Variants in ARPC4 observed in about 807,000 individuals in gnomAD.
ARPC4 encodes the protein actin-related protein 2/3 complex subunit 4.
In ARPC4, 3 loss-of-function variants were observed where a neutral mutation model predicts 22.8. That is an observed-to-expected ratio of 0.13 (90% confidence interval 0.06 to 0.34). The LOEUF (loss-of-function observed/expected upper bound fraction) is 0.34. ARPC4 is among the 10% of genes least tolerant of loss of function. The pLI, the probability that ARPC4 is intolerant of heterozygous loss-of-function variation, is 1.00. For missense variants in ARPC4, 98 were observed against 211.0 expected, an observed-to-expected ratio of 0.46 and a Z score of 3.32; for synonymous variants, 80 against 72.5, an observed-to-expected ratio of 1.10 and a Z score of -0.52.
intron 1 of ARPC4, among the ~76,000 whole-genome samples, chr3:9,793,882 C>G (rs1328090113): frequency 6.6e-6 from 1 of 152,178 alleles, no homozygotes; most frequent in Non-Finnish European, 1.5e-5. Context: ...TAACTTTCTT[C>G]ATTCTGATGA....
rs756844406 is a variant in ARPC4 at position 9,793,085 on chromosome 3, T to C, written c.-37T>C. The C allele has an allele frequency of 7.8e-6, 12 of 1,545,896 alleles. No homozygotes were observed. Among genetic ancestry groups the C allele is most frequent in the South Asian group, 1.2e-5 (1 of 83,864 alleles). Reference sequence around the variant, plus strand: ...GGCAGGCATCGCGGGGCTGGCCACTTCCGTACTTCCGCTTTCCGGCCCAGC... The same window carrying C: ...GGCAGGCATCGCGGGGCTGGCCACTCCCGTACTTCCGCTTTCCGGCCCAGC... On this transcript the variant is annotated 5_prime_UTR_variant, in exon 1 of 6. Coordinates refer to ENST00000397261, the MANE Select transcript of ARPC4 (RefSeq NM_005718.5).
At chr3:9,805,060 C>T (rs1363592492) in intron 5 of ARPC4, among the ~76,000 whole-genome samples, 1 of 152,226 alleles carries the variant, frequency 6.6e-6, no homozygotes, top group Admixed American at 6.5e-5. Context: ...ACATAGTAAG[C>T]TTTCCGTGTA....
chr3:9,794,066 T>G (rs2078822431), intron 1 of ARPC4, among the ~76,000 whole-genome samples: 1 of 152,196 alleles, frequency 6.6e-6, no homozygotes, highest in African/African-American at 2.4e-5. Flanking sequence ...AATCTGTATT[T>G]TTTTTTTCTA....
rs761362767 is a variant in ARPC4 at position 9,797,644 on chromosome 3, T to C, written c.4-15T>C. On this transcript the variant is annotated splice_polypyrimidine_tract_variant and intron_variant, in intron 1 of 5. Transcript: ENST00000397261. ...AGATTTTGATCTTCCCTTTCCTCTG[T>C]GTTATTTCCTATAGACTGCCACTCT... 6.2e-7 allele frequency: 1 copy of C among 1,610,624 alleles called. No individual in the cohort carries two copies.
At chr3:9,805,503 C>T (rs1425868787) in intron 5 of ARPC4, among the ~76,000 whole-genome samples, 1 of 152,206 alleles carries the variant, frequency 6.6e-6, no homozygotes, top group Non-Finnish European at 1.5e-5. Context: ...GGGTGAGGAG[C>T]TGCTGAGCGC....
chr3:9,794,385 G>C (rs1039803493), intron 1 of ARPC4, among the ~76,000 whole-genome samples: 4 of 152,158 alleles, frequency 2.6e-5, no homozygotes, highest in Admixed American at 2.0e-4. Context: ...TGTAGTCCCA[G>C]CTACTCAGGA....
At chr3:9,793,367 G>T (rs1189750646) in intron 1 of ARPC4, among the ~76,000 whole-genome samples, 8 of 152,222 alleles carry the variant, frequency 5.3e-5, no homozygotes, top group Non-Finnish European at 7.3e-5. Flanking sequence ...AAGCAGGTAG[G>T]GGCTTTTCCT....
At chr3:9,796,086 ACT>A (rs945192862) in intron 1 of ARPC4, among the ~76,000 whole-genome samples, 10 of 150,454 alleles carry the variant, frequency 6.6e-5, no homozygotes, top group African/African-American at 1.7e-4. Flanking sequence ...ACAGAGTAAG[ACT>A]CTGTCTCAAA....
rs2078813965 is a variant in ARPC4 at position 9,793,791 on chromosome 3, C to T, written c.3+667C>T. Reference sequence around the variant, plus strand: ...GCCTTTTTCATACGTGTGGGCATTCCTGGGAGTTGTGACTTTGGATGACCA... The same window carrying T: ...GCCTTTTTCATACGTGTGGGCATTCTTGGGAGTTGTGACTTTGGATGACCA... On this transcript the variant is annotated intron_variant, in intron 1 of 5. Coordinates refer to ENST00000397261, the MANE Select transcript of ARPC4 (RefSeq NM_005718.5). 3.3e-5 allele frequency among the ~76,000 whole-genome samples: 5 copies of T among 151,756 alleles called. No homozygotes were observed. In the South Asian group the frequency reaches 1.0e-3, roughly 31 times the overall value.
chr3:9,795,165 ATTT>A (rs1456795965), intron 1 of ARPC4, among the ~76,000 whole-genome samples: 1 of 151,874 alleles, frequency 6.6e-6, no homozygotes, highest in Non-Finnish European at 1.5e-5. Context: ...GCCACAGCTA[ATTT>A]TTTGTATTTT....
In ARPC4 at chr3:9,793,322, T is replaced by C. The variant is rs2078796954; in HGVS notation, c.3+198T>C. Reference sequence around the variant, plus strand: ...GGGCGAGTGGGGGTACTCCCTGGTATGAAGTGGGCCTTGTGGCTTCACGGT... The same window carrying C: ...GGGCGAGTGGGGGTACTCCCTGGTACGAAGTGGGCCTTGTGGCTTCACGGT... On this transcript the variant is annotated intron_variant, in intron 1 of 5. Coordinates refer to ENST00000397261, the MANE Select transcript of ARPC4 (RefSeq NM_005718.5). 4.5e-6 allele frequency: 5 copies of C among 1,112,734 alleles called. No homozygotes were observed. The Admixed American group carries it at 1.5e-4, about 34-fold the overall frequency. The allele number at this position is 1,112,734 out of a possible 1,614,324, so 68.9% of individuals were successfully genotyped here.
At chr3:9,798,522 G>A (rs1209010796) in intron 2 of ARPC4, among the ~76,000 whole-genome samples, 1 of 152,128 alleles carries the variant, frequency 6.6e-6, no homozygotes, top group African/African-American at 2.4e-5. Flanking sequence ...GGAAGCAGAG[G>A]TTGCAATGAG....
chr3:9,802,147 A>G (rs2079022020), intron 4 of ARPC4, among the ~76,000 whole-genome samples: 1 of 141,744 alleles, frequency 7.1e-6, no homozygotes, highest in Admixed American at 7.3e-5. Flanking sequence ...GCTGAGGCAG[A>G]GAACTGGTTG....
chr3:9,797,883 C>T (rs1416210547), intron 2 of ARPC4, 106 bp downstream of exon 2: 7 of 1,183,592 alleles, frequency 5.9e-6, no homozygotes, highest in Non-Finnish European at 8.1e-6. Flanking sequence ...AGGAAAGCTG[C>T]AGTTGACATT....
Position 9,804,995 on chromosome 3 carries a change from T to C in ARPC4, c.501+982T>C, listed in dbSNP as rs1039187585. ...ATGAAGGTCTGGTAATTAATACTTA[T>C]CTTTCAGTGGTTGAGCATTAAATGA... On this transcript the variant is annotated intron_variant, in intron 5 of 5. Transcript: ENST00000397261. Among the ~76,000 whole-genome samples the C allele has an allele frequency of 7.2e-5, 11 of 152,352 alleles. 1 individual carries two copies. The highest frequency in any genetic ancestry group is 4.1e-4 in the South Asian group (2 of 4,834).
chr3:9,802,112 G>T (rs1001921940), intron 4 of ARPC4, among the ~76,000 whole-genome samples: 1 of 151,306 alleles, frequency 6.6e-6, no homozygotes, highest in Non-Finnish European at 1.5e-5. Context: ...GGTGGTGGGC[G>T]CCTGTAATCC....
chr3:9,801,210 C>CAG (rs2079001095), intron 3 of ARPC4, among the ~76,000 whole-genome samples: 1 of 12,176 alleles, frequency 8.2e-5, no homozygotes, highest in Non-Finnish European at 1.8e-4. Flanking sequence ...GATTCCATCT[C>CAG]AGAAAAAAAA....
At chr3:9,800,156 A>G (rs1396956162) in intron 2 of ARPC4, 29 bp from the exon 3 acceptor site, 5 of 1,611,540 alleles carry the variant, frequency 3.1e-6, no homozygotes, top group South Asian at 1.1e-5. Flanking sequence ...CCTCTGTAGT[A>G]CAAGTACTCT....
Position 9,793,121 on chromosome 3 carries a change from G to A in ARPC4, c.-1G>A. 1 of 1,543,838 alleles carries A rather than the reference G, an allele frequency of 6.5e-7. No homozygotes were observed. On this transcript the variant is annotated 5_prime_UTR_variant, in exon 1 of 6. Transcript: ENST00000397261. The stretch of plus-strand genomic sequence containing the variant: ...GCTTTCCGGCCCAGCCAGCGCCCGC[G>A]ATGGTGAGAGAGCCGGGCCCCCGGC...
Sources: gnomAD v4.1 joint callset for allele counts (sites outside exome capture counted in the v4.1 genomes callset) on GRCh38, gnomAD v4.1.1 for gene constraint, MANE v1.5 for transcripts, NCBI Gene and HGNC (gene_info 2026-07-23, HGNC 2026-07-21) for gene names.